AKT2: variants seen among roughly 807,000 people sequenced by gnomAD.
AKT2 encodes RAC-beta serine/threonine-protein kinase.
In AKT2, 16 loss-of-function variants were observed where a neutral mutation model predicts 58.6. The ratio of observed to expected loss-of-function variants is 0.27; its 90% CI spans 0.18 to 0.41. AKT2 has a LOEUF of 0.41. Among genes scored for constraint, AKT2 ranks in the 10% least tolerant of loss-of-function variants. AKT2 has a pLI of 1.00. For missense variants in AKT2, 438 were observed against 661.0 expected, an observed-to-expected ratio of 0.66 and a Z score of 3.70; for synonymous variants, 253 against 254.0, an observed-to-expected ratio of 1.00 and a Z score of 0.04.
At chr19:40,244,965 C>T (rs1035380676) in intron 4 of AKT2, among the ~76,000 whole-genome samples, 7 of 152,242 alleles carry the variant, frequency 4.6e-5, no homozygotes, top group Non-Finnish European at 1.0e-4. Flanking sequence ...GCACCCTCTT[C>T]CACATTTTGA....
chr19:40,255,013 C>A (rs1044207480), intron 4 of AKT2, 145 bp downstream of exon 4: 4 of 664,604 alleles, frequency 6.0e-6, no homozygotes, highest in African/African-American at 1.8e-5. Context: ...CTCTTCTCAG[C>A]CCCAGCTGGA....
intron 1 of AKT2, 56 bp downstream of exon 1, chr19:40,285,125 G>C: frequency 2.6e-6 from 1 of 391,436 alleles, no homozygotes; most frequent in Non-Finnish European, 4.5e-6. Context: ...ACCGCGGGGG[G>C]CCCGGACGCG....
At chr19:40,274,644 GAGGCA>G in intron 1 of AKT2, 5 of 232,120 alleles carry the variant, frequency 2.2e-5, no homozygotes, top group South Asian at 1.3e-4. Context: ...AGGGCGCACT[GAGGCA>G]GCGCAGTCTG....
chr19:40,233,214 C>T lies in AKT2; in HGVS notation c.*658G>A, dbSNP rs1973806009. On this transcript the variant is annotated 3_prime_UTR_variant, in exon 14 of 14. Transcript: ENST00000392038. The surrounding 1 kb of genome is among the most constrained non-coding windows in gnomAD (Gnocchi z 4.3). ...ACAGTTTGGTGGGGAGGAGGCCGGA[C>T]CAGGAGGCGGCACCCAGCCCGGCCA... 1 of 262,922 alleles carries T rather than the reference C, an allele frequency of 3.8e-6. No homozygotes were observed. The allele number at this position is 262,922 out of a possible 1,614,324, so 16.3% of individuals were successfully genotyped here.
chr19:40,234,538 A>C lies in AKT2; in HGVS notation c.1366+507T>G. 3.2e-6 allele frequency: 1 copy of C among 309,450 alleles called. No homozygotes were observed. The highest frequency in any genetic ancestry group is 4.6e-5 in the Admixed American group (1 of 21,742). The allele number at this position is 309,450 out of a possible 1,614,324, so 19.2% of individuals were successfully genotyped here. A position where few individuals can be genotyped will look rare whatever the true frequency, so the allele number is the denominator to read the frequency against. On this transcript the variant is annotated intron_variant, in intron 13 of 13. Transcript: ENST00000392038. This position sits in a 1 kb window ranked among gnomAD's most constrained non-coding sequence, Gnocchi z 4.7. ...CACGTCATTCCTCCGGCCAGCTGAC[A>C]CGTTTGCTTCCTCCTCTAGAAAGCC...
intron 1 of AKT2, chr19:40,279,370 C>G (rs1032635808): frequency 6.5e-6 from 1 of 152,808 alleles, no homozygotes; most frequent in South Asian, 2.1e-4. Flanking sequence ...CTGTCTCCCC[C>G]AGCTGGGCCT....
At chr19:40,240,775 TCTTTTTTTTTTTTTTCC>T (rs1478739072) in intron 6 of AKT2, 1 of 163,652 alleles carries the variant, frequency 6.1e-6, no homozygotes, top group African/African-American at 2.4e-5. Context: ...ATGTCTGAAG[TCTTTTTTTTTTTTTTCC>T]CTTTTTTTTT....
intron 7 of AKT2, chr19:40,239,442 G>C (rs919279765): frequency 3.8e-6 from 1 of 265,922 alleles, no homozygotes; most frequent in Non-Finnish European, 7.3e-6. Flanking sequence ...CCACCAGGGG[G>C]TCCTTCAGCT....
Position 40,233,880 on chromosome 19 carries a change from G to A in AKT2, c.1438C>T (p.Arg480Cys), listed in dbSNP as rs769806554. 1.6e-5 allele frequency: 26 copies of A among 1,611,442 alleles called. No homozygotes were observed. Among genetic ancestry groups the A allele is most frequent in the Middle Eastern group, 1.6e-4 (1 of 6,078 alleles). The change falls in exon 14 of 14, where the codon CGC becomes TGC. Residue 480 changes from arginine (R) to cysteine (C), a missense_variant. Transcript: ENST00000392038. The surrounding 1 kb of genome is among the most constrained non-coding windows in gnomAD (Gnocchi z 4.3). ...CTGCGTGGGCAGACTGCTCACTCGCGGATGCTGGCCGAGTAGGAGAACTGG... is the reference window on the plus strand; with the variant it reads ...CTGCGTGGGCAGACTGCTCACTCGCAGATGCTGGCCGAGTAGGAGAACTGG... ...FPQFSYSASI[R>C]E
At chr19:40,257,341 C>A (rs1393981077) in intron 2 of AKT2, among the ~76,000 whole-genome samples, 1 of 152,192 alleles carries the variant, frequency 6.6e-6, no homozygotes, top group African/African-American at 2.4e-5. Flanking sequence ...TGGCAAGGAG[C>A]AAGCTGTCTG....
Position 40,233,395 on chromosome 19 carries a change from C to T in AKT2, c.*477G>A, listed in dbSNP as rs1245279658. ...GGGGACAGCGGGTGGGGGATTGGAC[C>T]GCCCCGTGCCTGGCCACTCCGAGCC... On this transcript the variant is annotated 3_prime_UTR_variant, in exon 14 of 14. Transcript: ENST00000392038. This position sits in a 1 kb window ranked among gnomAD's most constrained non-coding sequence, Gnocchi z 4.3. The T allele has an allele frequency of 4.5e-6, 2 of 447,430 alleles. No homozygotes were observed. Among genetic ancestry groups the T allele is most frequent in the East Asian group, 4.0e-5 (1 of 25,170 alleles). The allele number at this position is 447,430 out of a possible 1,614,324, so 27.7% of individuals were successfully genotyped here.
At chr19:40,248,175 G>T (rs1353579060) in intron 4 of AKT2, among the ~76,000 whole-genome samples, 1 of 152,342 alleles carries the variant, frequency 6.6e-6, no homozygotes, top group South Asian at 2.1e-4. Context: ...TGGGCAGGTT[G>T]TATGCCCTTC....
chr19:40,284,851 T>C, intron 1 of AKT2: 1 of 215,760 alleles, frequency 4.6e-6, no homozygotes. Context: ...CCTCGATAGC[T>C]TAGCCCGCGC....
At chr19:40,256,792 AG>A in intron 3 of AKT2, 133 bp downstream of exon 3, 2 of 1,350,492 alleles carry the variant, frequency 1.5e-6, no homozygotes, top group South Asian at 2.4e-5. Flanking sequence ...GAGCAGGGGA[AG>A]GGTGAAAACA....
At chr19:40,276,345 CTTTTTTTTTTTTTTTTTTTTTTTTT>C (rs748551877) in intron 1 of AKT2, among the ~76,000 whole-genome samples, 166 of 58,516 alleles carry the variant, frequency 2.8e-3, no homozygotes, top group African/African-American at 8.5e-3. Flanking sequence ...AAAATGGAAT[CTTTTTTTTTTTTTTTTTTTTTTTTT>C]TTTTTTTTTT....
Position 40,234,513 on chromosome 19 carries a change from C to G in AKT2, c.1366+532G>C. On this transcript the variant is annotated intron_variant, in intron 13 of 13. Transcript: ENST00000392038. This position sits in a 1 kb window ranked among gnomAD's most constrained non-coding sequence, Gnocchi z 4.7. Reference sequence around the variant, plus strand: ...TGCTTCTCCCATTGCTGGCATCCCACACGTCATTCCTCCGGCCAGCTGACA... The same window carrying G: ...TGCTTCTCCCATTGCTGGCATCCCAGACGTCATTCCTCCGGCCAGCTGACA... 3.6e-6 allele frequency: 1 copy of G among 275,160 alleles called. No homozygotes were observed. The highest frequency in any genetic ancestry group is 6.9e-6 in the Non-Finnish European group (1 of 145,692). The allele number at this position is 275,160 out of a possible 1,614,324, so 17.0% of individuals were successfully genotyped here.
At position 40,269,954 on chromosome 19, in the gene AKT2, C is replaced by A. The variant is rs180719990; in HGVS notation, c.-84-4603G>T. 2.9e-3 allele frequency among the ~76,000 whole-genome samples: 441 copies of A among 152,328 alleles called. 1 individual carries two copies. Among genetic ancestry groups the A allele is most frequent in the African/African-American group, 9.9e-3 (410 of 41,568 alleles). On this transcript the variant is annotated intron_variant, in intron 1 of 13. Transcript: ENST00000392038. ...TCCCCAAAGCAGCCCCAGGACCCTA[C>A]GCGGCCTGCAACATCCCCCTTTGCT...
At chr19:40,275,346 C>T (rs2077294554) in intron 1 of AKT2, 2 of 456,004 alleles carry the variant, frequency 4.4e-6, no homozygotes, top group Non-Finnish European at 8.8e-6. Context: ...TCGCCACCAC[C>T]TCCCTGGGAG....
intron 9 of AKT2, chr19:40,236,603 G>A: frequency 1.6e-6 from 1 of 626,210 alleles, no homozygotes; most frequent in East Asian, 2.9e-5. Flanking sequence ...GGGAACAGCT[G>A]GGCAGGGAGA....
Sources: gnomAD v4.1 joint callset for allele counts (sites outside exome capture counted in the v4.1 genomes callset) on GRCh38, gnomAD v4.1.1 for gene constraint, Gnocchi (gnomAD v3.1) non-coding constraint, MANE v1.5 for transcripts, NCBI Gene and HGNC (gene_info 2026-07-23, HGNC 2026-07-21) for gene names.